The following CDKL3 variants were observed in gnomAD, a reference collection of about 807,000 sequenced individuals.
The protein encoded by CDKL3 is cyclin-dependent kinase-like 3.
CDKL3 carries 65 observed loss-of-function variants against 69.3 expected under a neutral mutation model. The observed-to-expected ratio is 0.94, with a 90% CI of 0.77 to 1.15. CDKL3 has a LOEUF of 1.15. Ranked by LOEUF, CDKL3 falls within the 50% of genes most tolerant of loss-of-function variation. The probability of loss-of-function intolerance (pLI) is 0.00; values close to 1 mark genes in which losing one functional copy is unlikely to be tolerated. For missense variants in CDKL3, 652 were observed against 689.2 expected (o/e 0.95, Z 0.61); for synonymous variants, 202 against 221.6 (o/e 0.91, Z 0.79).
chr5:134,335,090 T>C (rs1776734892), intron 4 of CDKL3, among the ~76,000 whole-genome samples: 1 of 152,002 alleles, frequency 6.6e-6, no homozygotes, highest in African/African-American at 2.4e-5. Context: ...TCTCTTTTCA[T>C]CTTTGTTAGT....
At chr5:134,292,105 A>G (rs1036918164) in intron 8 of CDKL3, among the ~76,000 whole-genome samples, 2 of 152,210 alleles carry the variant, frequency 1.3e-5, no homozygotes, top group Non-Finnish European at 2.9e-5. Flanking sequence ...TGATATTTAA[A>G]TGCACCATCA....
chr5:134,361,065 C>T (rs1025465813), intron 2 of CDKL3, among the ~76,000 whole-genome samples: 27 of 152,164 alleles, frequency 1.8e-4, no homozygotes, highest in African/African-American at 6.3e-4. Flanking sequence ...ACAATTATTG[C>T]TAAAATAATT....
At chr5:134,326,829 A>ATG (rs780866668) in intron 4 of CDKL3, among the ~76,000 whole-genome samples, 37,817 of 85,138 alleles carry the variant, frequency 0.44, 8,307 homozygotes, top group Middle Eastern at 0.53. Context: ...ATATATATAT[A>ATG]TATATATATA....
At chr5:134,327,743 T>G (rs916355508) in intron 4 of CDKL3, among the ~76,000 whole-genome samples, 5 of 152,176 alleles carry the variant, frequency 3.3e-5, no homozygotes, top group African/African-American at 1.2e-4. Flanking sequence ...TGGAACAGTT[T>G]GTAGAGCTAT....
chr5:134,346,509 T>G (rs577990611), intron 4 of CDKL3, among the ~76,000 whole-genome samples: 1 of 152,298 alleles, frequency 6.6e-6, no homozygotes, highest in African/African-American at 2.4e-5. Context: ...CCTTTTTTTG[T>G]TTTTGAGACG....
intron 2 of CDKL3, among the ~76,000 whole-genome samples, chr5:134,360,771 A>G (rs957944421): frequency 6.6e-6 from 1 of 152,220 alleles, no homozygotes; most frequent in African/African-American, 2.4e-5. Context: ...TCAAATGAGC[A>G]TGGATTTCAA....
intron 9 of CDKL3, among the ~76,000 whole-genome samples, chr5:134,306,976 A>T (rs1363095317): frequency 6.6e-6 from 1 of 152,040 alleles, no homozygotes; most frequent in East Asian, 1.9e-4. Flanking sequence ...GCTGGTCTCG[A>T]ACTCCTGAGC....
At chr5:134,293,933 C>A (rs1341299304), downstream of CDKL3, among the ~76,000 whole-genome samples, 1 of 152,024 alleles carries the variant, frequency 6.6e-6, no homozygotes, top group Non-Finnish European at 1.5e-5. Context: ...CAAAGCAAGA[C>A]TCCATCTCAA....
chr5:134,298,660 A>C lies in CDKL3; in HGVS notation c.1770T>G (p.Phe590Leu). Residue 590 changes from phenylalanine (F) to leucine (L), a missense_variant, in exon 13 of 13, where the codon TTT (phenylalanine) becomes TTG (leucine). Physicochemically the swap from Phe to Leu is conservative, Grantham distance 22 (BLOSUM62 0). Coordinates refer to ENST00000265334, the MANE Select transcript of CDKL3 (RefSeq NM_001113575.2). ...TGTAAAAGAAAAGACACTACCAGAA[A>C]AAAAACCTGTTTCTCTTCAAATTCT... ...EGKNLKRNRFFFW is the reference protein window; with the variant it reads ...EGKNLKRNRFLFW 6.2e-7 allele frequency: 1 copy of C among 1,612,904 alleles called. No individual in the cohort carries two copies. The highest frequency in any genetic ancestry group is 1.1e-5 in the South Asian group (1 of 90,672).
chr5:134,360,484 T>C (rs1755752418), intron 2 of CDKL3, among the ~76,000 whole-genome samples: 1 of 152,154 alleles, frequency 6.6e-6, no homozygotes, highest in South Asian at 2.1e-4. Flanking sequence ...GAATTGTAGG[T>C]GTGCACCATC....
rs1278353378 is a variant in CDKL3, at chr5:134,319,350, A to C, written c.792+8T>G. Reference sequence around the variant, plus strand: ...GTCTCCGGGGGAGGAAAAAAAAAAAAAACATACATGAACTATATCTGCCAA... The same window carrying C: ...GTCTCCGGGGGAGGAAAAAAAAAAACAACATACATGAACTATATCTGCCAA... On this transcript the variant is annotated splice_region_variant and intron_variant, in intron 6 of 12. Coordinates refer to ENST00000265334, the MANE Select transcript of CDKL3 (RefSeq NM_001113575.2). 2.0e-6 allele frequency: 3 copies of C among 1,505,404 alleles called. No individual in the cohort carries two copies. The highest frequency in any genetic ancestry group is 2.6e-6 in the Non-Finnish European group (3 of 1,133,248). 93.3% of individuals were successfully genotyped at this position (1,505,404 alleles called of 1,614,324 possible).
At chr5:134,291,536 T>G (rs1765123646) in intron 8 of CDKL3, among the ~76,000 whole-genome samples, 1 of 152,194 alleles carries the variant, frequency 6.6e-6, no homozygotes, top group Non-Finnish European at 1.5e-5. Context: ...TCTGGGAGGC[T>G]GAGGCAGGCA....
chr5:134,306,720 A>G lies in CDKL3; in HGVS notation c.1365-18T>C. 1 of 1,097,156 alleles carries G rather than the reference A, an allele frequency of 9.1e-7. No individual in the cohort carries two copies. The highest frequency in any genetic ancestry group is 1.4e-5 in the South Asian group (1 of 71,972). The allele number at this position is 1,097,156 out of a possible 1,614,324, so 68.0% of individuals were successfully genotyped here. A position where few individuals can be genotyped will look rare whatever the true frequency, so the allele number is the denominator to read the frequency against. On this transcript the variant is annotated intron_variant, in intron 9 of 12. Coordinates refer to ENST00000265334, the MANE Select transcript of CDKL3 (RefSeq NM_001113575.2). ...CAGTTAACCTATTATTTAAAAATGA[A>G]TGAGAAGTTACTAAAACTCCCCAGA... is the stretch of plus-strand genomic sequence containing the variant.
chr5:134,315,617 A>C (rs1770837983), intron 6 of CDKL3, among the ~76,000 whole-genome samples: 1 of 152,198 alleles, frequency 6.6e-6, no homozygotes, highest in African/African-American at 2.4e-5. Context: ...TACATGCATA[A>C]GCCACCACGC....
At chr5:134,359,755 A>G in intron 3 of CDKL3, 142 bp downstream of exon 3, 6 of 649,134 alleles carry the variant, frequency 9.2e-6, no homozygotes, top group Non-Finnish European at 1.5e-5. Context: ...AGTGCCCCCT[A>G]TTCCCTATCC....
At chr5:134,349,038 C>T (rs1389414376) in intron 4 of CDKL3, among the ~76,000 whole-genome samples, 1 of 152,156 alleles carries the variant, frequency 6.6e-6, no homozygotes, top group Non-Finnish European at 1.5e-5. Flanking sequence ...TGCTATTAAG[C>T]AGCTATGTGA....
At position 134,326,790 on chromosome 5, in the gene CDKL3, C is replaced by CGTGTGTGTATATATATATAT. The variant is rs1295557032; in HGVS notation, c.540-4907_540-4888dup. 4.7e-3 allele frequency among the ~76,000 whole-genome samples: 534 copies of CGTGTGTGTATATATATATAT among 114,770 alleles called. 48 individuals are homozygous for CGTGTGTGTATATATATATAT. The highest frequency in any genetic ancestry group is 9.0e-3 in the Middle Eastern group (2 of 222). 75.3% of individuals were successfully genotyped at this position (114,770 alleles called of 152,430 possible). On this transcript the variant is annotated intron_variant, in intron 4 of 12. Transcript: ENST00000265334. ...TTTTTTTAAACACAAATACTTAAAG[C>CGTGTGTGTATATATATATAT]GTGTGTGTATATATATATATGTGTG...
At chr5:134,347,697 T>TAAAAAAA (rs1175296441) in intron 4 of CDKL3, among the ~76,000 whole-genome samples, 19 of 52,800 alleles carry the variant, frequency 3.6e-4, no homozygotes, top group African/African-American at 1.0e-3. Context: ...CCATCTCTGC[T>TAAAAAAA]AAAAAAAAAA....
upstream of CDKL3, among the ~76,000 whole-genome samples, chr5:134,368,492 G>A (rs978149854): frequency 3.3e-5 from 5 of 151,502 alleles, no homozygotes; most frequent in Non-Finnish European, 5.9e-5. Flanking sequence ...GGTGGCGGGC[G>A]CCTGTAGTCC....
Sources: allele counts gnomAD v4.1 joint callset (sites outside exome capture counted in the v4.1 genomes callset), GRCh38; gene constraint gnomAD v4.1.1; transcripts MANE v1.5; gene names NCBI Gene and HGNC (gene_info 2026-07-23, HGNC 2026-07-21).